GNB4: variants seen among roughly 807,000 people sequenced by gnomAD.
GNB4 encodes guanine nucleotide-binding protein subunit beta-4.
GNB4 carries 28 observed loss-of-function variants against 45.2 expected under a neutral mutation model. The observed-to-expected ratio is 0.62, with a 90% CI of 0.46 to 0.85. GNB4 has a LOEUF of 0.85. Among genes scored for constraint, GNB4 ranks in the 40% least tolerant of loss-of-function variants. GNB4 has a pLI of 0.00. For missense variants in GNB4, 321 were observed against 425.4 expected (o/e 0.75, Z 2.16); for synonymous variants, 132 against 143.7 (o/e 0.92, Z 0.58).
At chr3:179,457,036 G>A in the GNB4 span, among the ~76,000 whole-genome samples, 1 of 152,040 alleles carries the variant, frequency 6.6e-6, no homozygotes, top group Non-Finnish European at 1.5e-5. Context: ...GGAGCCCTGC[G>A]GACCAACTCT....
chr3:179,518,352 C>T, the GNB4 span, among the ~76,000 whole-genome samples: 7 of 152,214 alleles, frequency 4.6e-5, no homozygotes, highest in African/African-American at 1.7e-4. Context: ...TTCTTTTACA[C>T]ATGGTTCCCT....
At chr3:179,402,240 C>T (rs1389561078) in intron 9 of GNB4, among the ~76,000 whole-genome samples, 1 of 152,218 alleles carries the variant, frequency 6.6e-6, no homozygotes, top group East Asian at 1.9e-4. Context: ...ATTCACAAGT[C>T]AGGATCCAAT....
rs1228352465 is a variant in GNB4, at chr3:179,400,657, CAATG to C, written c.*552_*555del. 3 of 152,254 alleles carry C rather than the reference CAATG, an allele frequency of 2.0e-5. No homozygotes were observed. In the East Asian group the frequency reaches 5.8e-4, roughly 29 times the overall value. The allele number at this position is 152,254 out of a possible 1,614,324, so 9.4% of individuals were successfully genotyped here. A position where few individuals can be genotyped will look rare whatever the true frequency, so the allele number is the denominator to read the frequency against. ...TATATGGCAAATGATGCATGAGAAA[CAATG>C]AACTCCCCTCAGAGGTGCCCCACCT... On this transcript the variant is annotated 3_prime_UTR_variant, in exon 10 of 10. Transcript: ENST00000232564.
At chr3:179,474,167 C>T in the GNB4 span, among the ~76,000 whole-genome samples, 31 of 152,100 alleles carry the variant, frequency 2.0e-4, no homozygotes, top group East Asian at 4.6e-3. Context: ...CCACCCTAGG[C>T]GACAGAGTGA....
rs1209203598 is a variant in GNB4 at position 179,399,728 on chromosome 3, A to G, written c.*1485T>C. 2.6e-5 allele frequency: 4 copies of G among 152,256 alleles called. No homozygotes were observed. The highest frequency in any genetic ancestry group is 9.6e-5 in the African/African-American group (4 of 41,474). The allele number at this position is 152,256 out of a possible 1,614,324, so 9.4% of individuals were successfully genotyped here. A position where few individuals can be genotyped will look rare whatever the true frequency, so the allele number is the denominator to read the frequency against. The stretch of plus-strand genomic sequence containing the variant: ...GGTAAAGTTTGGGAGTATTTAGGTT[A>G]AGTTACACATGTTCAAAAGTTAACA... On this transcript the variant is annotated 3_prime_UTR_variant, in exon 10 of 10. Transcript: ENST00000232564.
At chr3:179,427,812 A>C (rs1028418039) in intron 1 of GNB4, among the ~76,000 whole-genome samples, 12 of 152,078 alleles carry the variant, frequency 7.9e-5, no homozygotes, top group African/African-American at 2.9e-4. Flanking sequence ...CTACCTCAAA[A>C]AGACACTAGA....
the GNB4 span, among the ~76,000 whole-genome samples, chr3:179,489,046 A>ATATATATATATATATATATATTATATT: frequency 2.6e-5 from 1 of 38,764 alleles, no homozygotes; most frequent in African/African-American, 1.0e-4. Flanking sequence ...ATATATATAT[A>ATATATATATATATATATATATTATATT]ATATATATGT....
At chr3:179,446,457 G>A (rs762486006) in intron 1 of GNB4, among the ~76,000 whole-genome samples, 1 of 152,206 alleles carries the variant, frequency 6.6e-6, no homozygotes, top group Non-Finnish European at 1.5e-5. Flanking sequence ...CATTTTGGGT[G>A]TGCTCAATAG....
the GNB4 span, chr3:179,465,038 T>A: frequency 1.1e-5 from 17 of 1,502,306 alleles, no homozygotes; most frequent in African/African-American, 1.1e-4. Context: ...TACAATATCT[T>A]ATCGATATAC....
chr3:179,461,142 G>A, the GNB4 span, among the ~76,000 whole-genome samples: 1 of 152,076 alleles, frequency 6.6e-6, no homozygotes, highest in African/African-American at 2.4e-5. Context: ...TGCGTCTTGG[G>A]CTGTTTCAAG....
At chr3:179,495,868 C>T in the GNB4 span, among the ~76,000 whole-genome samples, 1 of 152,060 alleles carries the variant, frequency 6.6e-6, no homozygotes, top group African/African-American at 2.4e-5. Context: ...AACTGTTCTT[C>T]AGAAATGAAG....
chr3:179,427,203 A>G (rs903112753), intron 1 of GNB4, among the ~76,000 whole-genome samples: 5 of 151,964 alleles, frequency 3.3e-5, no homozygotes, highest in African/African-American at 1.2e-4. Context: ...ACCTTTGCTG[A>G]TAGCACATGT....
chr3:179,401,130 T>C lies in GNB4; in HGVS notation c.*83A>G. ...ATAGAAAAATCTTCACCTGCAAATATAAGGTAGAATTTTTTCACAGCTATA... is the reference window on the plus strand; with the variant it reads ...ATAGAAAAATCTTCACCTGCAAATACAAGGTAGAATTTTTTCACAGCTATA... On this transcript the variant is annotated 3_prime_UTR_variant, in exon 10 of 10. Coordinates refer to ENST00000232564, the MANE Select transcript of GNB4 (RefSeq NM_021629.4). 3.8e-6 allele frequency: 3 copies of C among 785,044 alleles called. No homozygotes were observed. The highest frequency in any genetic ancestry group is 3.7e-6 in the Non-Finnish European group (2 of 535,200). The allele number at this position is 785,044 out of a possible 1,614,324, so 48.6% of individuals were successfully genotyped here.
At chr3:179,490,504 C>T in the GNB4 span, among the ~76,000 whole-genome samples, 3 of 152,088 alleles carry the variant, frequency 2.0e-5, no homozygotes, top group Admixed American at 2.0e-4. Flanking sequence ...CAAGAAATTC[C>T]ATGACAGGCC....
At chr3:179,441,134 C>T (rs1229514207) in intron 1 of GNB4, among the ~76,000 whole-genome samples, 1 of 152,192 alleles carries the variant, frequency 6.6e-6, no homozygotes, top group Admixed American at 6.5e-5. Flanking sequence ...GGCACAGAAA[C>T]CCACCCCATC....
rs1714113119 is a variant in GNB4 at position 179,396,362 on chromosome 3, C to A, written c.*4851G>T. The A allele has an allele frequency of 1.3e-5, 2 of 152,096 alleles. No individual in the cohort carries two copies. The highest frequency in any genetic ancestry group is 2.9e-5 in the Non-Finnish European group (2 of 68,008). The allele number at this position is 152,096 out of a possible 1,614,324, so 9.4% of individuals were successfully genotyped here. A position where few individuals can be genotyped will look rare whatever the true frequency, so the allele number is the denominator to read the frequency against. The stretch of plus-strand genomic sequence containing the variant: ...GACAAACACTTTCAGAATGCTTTAA[C>A]AGAAAAATAATTTTAATCAACTTTA... On this transcript the variant is annotated 3_prime_UTR_variant, in exon 10 of 10. Transcript: ENST00000232564.
the GNB4 span, among the ~76,000 whole-genome samples, chr3:179,475,708 G>A: frequency 1.3e-3 from 190 of 152,000 alleles, no homozygotes; most frequent in Non-Finnish European, 2.4e-3. Context: ...TCTTGACCTC[G>A]TGATCTGCCC....
chr3:179,418,872 A>G (rs1442852816), intron 4 of GNB4, among the ~76,000 whole-genome samples: 2 of 152,282 alleles, frequency 1.3e-5, no homozygotes, highest in African/African-American at 4.8e-5. Context: ...TAGGCCACGT[A>G]GCAGCTGTGC....
At chr3:179,496,483 C>T in the GNB4 span, among the ~76,000 whole-genome samples, 1 of 152,068 alleles carries the variant, frequency 6.6e-6, no homozygotes, top group African/African-American at 2.4e-5. Flanking sequence ...CAATAGTATG[C>T]ACTTACTCAT....
Sources: allele counts gnomAD v4.1 joint callset (sites outside exome capture counted in the v4.1 genomes callset), GRCh38; gene constraint gnomAD v4.1.1; transcripts MANE v1.5; gene names NCBI Gene and HGNC (gene_info 2026-07-23, HGNC 2026-07-21).